Variants in CSMD3 observed in about 807,000 individuals in gnomAD.
CSMD3 encodes CUB and sushi domain-containing protein 3.
CSMD3 carries 177 observed loss-of-function variants against 435.2 expected under a neutral mutation model. The observed-to-expected ratio is 0.41, with a 90% CI of 0.36 to 0.46. CSMD3 has a LOEUF of 0.46. Among genes scored for constraint, CSMD3 ranks in the 20% least tolerant of loss-of-function variants. The pLI, the probability that CSMD3 is intolerant of heterozygous loss-of-function variation, is 0.34. For synonymous variants in CSMD3, 1,656 were observed against 1,520.5 expected (o/e 1.09, Z -2.07); for missense variants, 4,265 against 4,504.6 (o/e 0.95, Z 1.52).
chr8:113,194,881 A>C (rs2092632826), intron 3 of CSMD3, among the ~76,000 whole-genome samples: 1 of 151,192 alleles, frequency 6.6e-6, no homozygotes, highest in Non-Finnish European at 1.5e-5. Context: ...GAGCCAAGAA[A>C]GATATTTACT....
intron 17 of CSMD3, among the ~76,000 whole-genome samples, chr8:112,664,966 ATGTAGAT>A (rs2131700509): frequency 6.6e-6 from 1 of 152,300 alleles, no homozygotes; most frequent in South Asian, 2.1e-4. Flanking sequence ...CTAGTAAACC[ATGTAGAT>A]TATAACAAGA....
At chr8:112,351,816 T>C (rs560246981) in intron 39 of CSMD3, among the ~76,000 whole-genome samples, 6 of 152,118 alleles carry the variant, frequency 3.9e-5, no homozygotes, top group African/African-American at 1.4e-4. Context: ...TGTGAAACAG[T>C]ATTTTCCTTA....
At chr8:113,291,879 T>A (rs2093688795) in intron 2 of CSMD3, among the ~76,000 whole-genome samples, 1 of 151,810 alleles carries the variant, frequency 6.6e-6, no homozygotes, top group Non-Finnish European at 1.5e-5. Context: ...AAAATAACAA[T>A]AAAAGTAACT....
At chr8:112,399,043 A>C (rs1290381761) in intron 35 of CSMD3, among the ~76,000 whole-genome samples, 1 of 151,310 alleles carries the variant, frequency 6.6e-6, no homozygotes, top group Non-Finnish European at 1.5e-5. Flanking sequence ...CAGCCTCCTG[A>C]GTAGCTGGAA....
rs549851264 is a variant in CSMD3, at chr8:113,056,722, A to G, written c.918-37543T>C. ...TCTTTGTTGTTACTATCATATACGG[A>G]AAGTCCCCATGGTCTCACCTAGACC... On this transcript the variant is annotated intron_variant, in intron 5 of 70. Transcript: ENST00000297405. Among the ~76,000 whole-genome samples, 4 of 152,262 alleles carry G rather than the reference A, an allele frequency of 2.6e-5. No individual in the cohort carries two copies. In the East Asian group the frequency reaches 5.8e-4, roughly 22 times the overall value.
chr8:113,117,432 C>G (rs369712724), intron 4 of CSMD3, among the ~76,000 whole-genome samples: 3 of 152,316 alleles, frequency 2.0e-5, no homozygotes, highest in African/African-American at 7.2e-5. Context: ...TATGGCAACA[C>G]CTGGATGTCC....
At chr8:112,411,144 T>G (rs1431421579) in intron 32 of CSMD3, among the ~76,000 whole-genome samples, 1 of 150,974 alleles carries the variant, frequency 6.6e-6, no homozygotes, top group Non-Finnish European at 1.5e-5. Flanking sequence ...TTTTTTGCCT[T>G]TAGGCCTCTT....
At chr8:112,848,493 C>A (rs1451462709) in intron 11 of CSMD3, among the ~76,000 whole-genome samples, 1 of 152,000 alleles carries the variant, frequency 6.6e-6, no homozygotes, top group Non-Finnish European at 1.5e-5. Flanking sequence ...GCTTACACAT[C>A]CTTAAATACT....
At chr8:113,133,801 A>G (rs1047161977) in intron 4 of CSMD3, among the ~76,000 whole-genome samples, 1 of 152,158 alleles carries the variant, frequency 6.6e-6, no homozygotes, top group African/African-American at 2.4e-5. Flanking sequence ...ATCCGTTATC[A>G]AAATAAATAT....
At chr8:112,277,846 CTT>C (rs1586629437) in intron 59 of CSMD3, among the ~76,000 whole-genome samples, 1 of 152,198 alleles carries the variant, frequency 6.6e-6, no homozygotes, top group East Asian at 1.9e-4. Context: ...TCTTATGAGA[CTT>C]AGCACTACCA....
At chr8:112,740,768 A>G (rs542398347) in intron 13 of CSMD3, among the ~76,000 whole-genome samples, 21 of 151,940 alleles carry the variant, frequency 1.4e-4, no homozygotes, top group African/African-American at 5.1e-4. Context: ...GTCTTTGCAG[A>G]GTGGGGAGTA....
intron 16 of CSMD3, among the ~76,000 whole-genome samples, chr8:112,675,395 T>C (rs770186585): frequency 1.3e-5 from 2 of 152,152 alleles, no homozygotes; most frequent in Non-Finnish European, 2.9e-5. Context: ...CCCATGAATG[T>C]ATTACATCTA....
chr8:112,739,184 T>C (rs1050376249), intron 13 of CSMD3, among the ~76,000 whole-genome samples: 3 of 151,786 alleles, frequency 2.0e-5, no homozygotes, highest in African/African-American at 7.2e-5. Flanking sequence ...TAATAGAATT[T>C]GAAATAGAAA....
intron 3 of CSMD3, among the ~76,000 whole-genome samples, chr8:113,234,074 T>C (rs903957236): frequency 6.6e-6 from 1 of 152,074 alleles, no homozygotes; most frequent in East Asian, 1.9e-4. Flanking sequence ...CAAAGTCTGT[T>C]ACTACAAAAA....
chr8:112,699,766 G>A (rs1306557978), intron 13 of CSMD3, among the ~76,000 whole-genome samples: 1 of 152,094 alleles, frequency 6.6e-6, no homozygotes, highest in African/African-American at 2.4e-5. Context: ...CCTGGATATG[G>A]GAAAATATTG....
At chr8:112,455,098 C>G (rs933989080) in intron 32 of CSMD3, among the ~76,000 whole-genome samples, 4 of 151,664 alleles carry the variant, frequency 2.6e-5, no homozygotes, top group African/African-American at 9.7e-5. Context: ...TGGGTATATA[C>G]CCAAAGGAAA....
chr8:112,247,071 G>T lies in CSMD3; in HGVS notation c.10171C>A (p.Arg3391Ser). ...CACGTAAGATCAGGGAGGCAGGTGC[G>T]TGTTGTAGACCCTTGGAGAAGGTGT... The part of the protein sequence containing the change: ...KGHLLQGSTT[R>S]TCLPDLTWSG... The change falls in exon 64 of 71, where the codon CGC (arginine) becomes AGC (serine). Residue 3391 changes from arginine to serine, a missense_variant. Transcript: ENST00000297405. 6.2e-7 allele frequency: 1 copy of T among 1,613,850 alleles called. No homozygotes were observed. The highest frequency in any genetic ancestry group is 8.5e-7 in the Non-Finnish European group (1 of 1,179,872).
At chr8:112,784,743 T>C (rs2078492723) in intron 13 of CSMD3, among the ~76,000 whole-genome samples, 1 of 151,932 alleles carries the variant, frequency 6.6e-6, no homozygotes, top group Admixed American at 6.6e-5. Context: ...AATACACCAA[T>C]AACAAGTAAT....
intron 12 of CSMD3, among the ~76,000 whole-genome samples, chr8:112,802,412 T>C (rs2078980658): frequency 6.6e-6 from 1 of 152,072 alleles, no homozygotes; most frequent in Non-Finnish European, 1.5e-5. Flanking sequence ...TTGATTTAAC[T>C]TCCTGCTTGT....
Sources: gnomAD v4.1 joint callset for allele counts (sites outside exome capture counted in the v4.1 genomes callset) on GRCh38, gnomAD v4.1.1 for gene constraint, MANE v1.5 for transcripts, NCBI Gene and HGNC (gene_info 2026-07-23, HGNC 2026-07-21) for gene names.